KLF17: variants seen among roughly 807,000 people sequenced by gnomAD.
The protein encoded by KLF17 is Krueppel-like factor 17.
A neutral mutation model predicts 34.2 loss-of-function variants in KLF17; 31 were observed. The ratio of observed to expected loss-of-function variants is 0.91; its 90% CI spans 0.68 to 1.22. The LOEUF (loss-of-function observed/expected upper bound fraction) is 1.22, where lower values mean the gene tolerates loss of function less well. Among genes scored for constraint, KLF17 ranks in the 50% most tolerant of loss-of-function variants. The pLI is 0.00. For missense variants in KLF17, 478 were observed against 505.2 expected (o/e 0.95, Z 0.52); for synonymous variants, 179 against 186.7 (o/e 0.96, Z 0.34).
At position 44,130,663 on chromosome 1, in the gene KLF17, G is replaced by T. The variant is rs780277452; in HGVS notation, c.1077G>T (p.Lys359Asn). ...AGTTCATGAGGTCTGACCATCTCAAGCAACACCAGAAGACTCATCGGCCGG... is the reference window on the plus strand; with the variant it reads ...AGTTCATGAGGTCTGACCATCTCAATCAACACCAGAAGACTCATCGGCCGG... ...SREFMRSDHL[K>N]QHQKTHRPGP... The change falls in exon 3 of 4, where the codon AAG (lysine) becomes AAT (asparagine). Residue 359 changes from lysine to asparagine, a missense_variant. Coordinates refer to ENST00000372299, the MANE Select transcript of KLF17 (RefSeq NM_173484.4). The T allele has an allele frequency of 6.2e-7, 1 of 1,614,170 alleles. No homozygotes were observed. The highest frequency in any genetic ancestry group is 8.5e-7 in the Non-Finnish European group (1 of 1,180,030).
intron 1 of KLF17, among the ~76,000 whole-genome samples, chr1:44,127,668 TTC>T (rs796846137): frequency 0.025 from 1,271 of 51,746 alleles, 38 homozygotes; most frequent in East Asian, 0.098. Flanking sequence ...CTTTCTTTCT[TTC>T]TTTCTTTCTT....
At chr1:44,079,239 G>A in the KLF17 span, among the ~76,000 whole-genome samples, 3 of 151,676 alleles carry the variant, frequency 2.0e-5, no homozygotes, top group Non-Finnish European at 2.9e-5. Flanking sequence ...TGTATTATTC[G>A]GAGTTCTCTG....
At chr1:44,104,220 T>C in the KLF17 span, 2 of 1,122,486 alleles carry the variant, frequency 1.8e-6, no homozygotes, top group Non-Finnish European at 2.7e-6. Context: ...CTCTGTACGC[T>C]TATTGATCTC....
chr1:44,086,794 G>A, the KLF17 span, among the ~76,000 whole-genome samples: 1 of 152,192 alleles, frequency 6.6e-6, no homozygotes, highest in African/African-American at 2.4e-5. Flanking sequence ...TTCTCTCCTG[G>A]TGGCCTCCAT....
chr1:44,058,433 G>A, the KLF17 span, among the ~76,000 whole-genome samples: 494 of 152,194 alleles, frequency 3.2e-3, 4 homozygotes, highest in African/African-American at 0.011. Context: ...TGGGACTACA[G>A]GCAGGCATCA....
chr1:44,080,687 CTTT>C, the KLF17 span, among the ~76,000 whole-genome samples: 6 of 136,174 alleles, frequency 4.4e-5, no homozygotes, highest in Non-Finnish European at 9.6e-5. Context: ...ATATTTTCTT[CTTT>C]AATTCATGGT....
At chr1:44,048,002 ATGTGTGTGTGTGTGTGTG>A in the KLF17 span, 1 of 134,254 alleles carries the variant, frequency 7.4e-6, no homozygotes, top group Non-Finnish European at 1.6e-5. Context: ...TTGTGTGTGT[ATGTGTGTGTGTGTGTGTG>A]TGTGTGTGTG....
the KLF17 span, among the ~76,000 whole-genome samples, chr1:44,053,956 G>T: frequency 6.6e-6 from 1 of 152,198 alleles, no homozygotes; most frequent in Non-Finnish European, 1.5e-5. Context: ...CTCTCAATTG[G>T]ATTACTAGAC....
At chr1:44,072,442 G>A in the KLF17 span, among the ~76,000 whole-genome samples, 1 of 152,080 alleles carries the variant, frequency 6.6e-6, no homozygotes, top group Admixed American at 6.6e-5. Flanking sequence ...TATAATCCCA[G>A]AACTTTGGGA....
At chr1:44,099,007 C>T in the KLF17 span, among the ~76,000 whole-genome samples, 1 of 151,272 alleles carries the variant, frequency 6.6e-6, no homozygotes, top group African/African-American at 2.4e-5. Context: ...GGATTACAGG[C>T]ATGAGCCACT....
the KLF17 span, among the ~76,000 whole-genome samples, chr1:44,099,841 G>GAAAGA: frequency 1.1e-3 from 33 of 28,734 alleles, 2 homozygotes; most frequent in African/African-American, 7.1e-3. Context: ...AAGAAAGAAA[G>GAAAGA]AAAGAAAGAA....
At chr1:44,131,612 C>A (rs1407102786) in intron 3 of KLF17, among the ~76,000 whole-genome samples, 1 of 152,194 alleles carries the variant, frequency 6.6e-6, no homozygotes, top group African/African-American at 2.4e-5. Context: ...TTCTTCCCAC[C>A]ACTTTACAGA....
intron 1 of KLF17, among the ~76,000 whole-genome samples, chr1:44,127,610 C>CT (rs986132286): frequency 1.2e-3 from 111 of 89,440 alleles, no homozygotes; most frequent in Middle Eastern, 5.0e-3. Context: ...CCCTTTCTTT[C>CT]TTTCTTTTCT....
chr1:44,058,152 G>A, the KLF17 span, among the ~76,000 whole-genome samples: 2 of 152,166 alleles, frequency 1.3e-5, no homozygotes, highest in East Asian at 1.9e-4. Flanking sequence ...TAGGCATTAC[G>A]TATCATCTTC....
At chr1:44,104,363 G>A in the KLF17 span, 1 of 1,157,420 alleles carries the variant, frequency 8.6e-7, no homozygotes, top group Admixed American at 1.9e-5. Flanking sequence ...GGAACATGTT[G>A]TCCGTGTTGC....
In KLF17 at chr1:44,122,373, G is replaced by A. The variant is rs879117256; in HGVS notation, c.81+3385G>A. ...CAGCTGTACAGGTTCTCTGTTCTTC[G>A]GGGTCATTTTCACAGCTTTAAGATG... is the stretch of plus-strand genomic sequence containing the variant. On this transcript the variant is annotated intron_variant, in intron 1 of 3. Coordinates refer to ENST00000372299, the MANE Select transcript of KLF17 (RefSeq NM_173484.4). 13 of 1,606,048 alleles carry A rather than the reference G, an allele frequency of 8.1e-6. 1 individual carries two copies. The highest frequency in any genetic ancestry group is 3.3e-4 in the Middle Eastern group (2 of 6,062).
chr1:44,078,091 GTTTAC>G, the KLF17 span, among the ~76,000 whole-genome samples: 4 of 152,164 alleles, frequency 2.6e-5, no homozygotes, highest in East Asian at 5.8e-4. Flanking sequence ...TTGAACAGAA[GTTTAC>G]TTTAATTTGG....
chr1:44,048,183 A>G, the KLF17 span: 2 of 152,170 alleles, frequency 1.3e-5, no homozygotes, highest in Non-Finnish European at 2.9e-5. Flanking sequence ...GAGAAAACCA[A>G]AGCTTGGAGG....
chr1:44,062,319 AT>A, the KLF17 span, among the ~76,000 whole-genome samples: 5 of 152,306 alleles, frequency 3.3e-5, no homozygotes, highest in South Asian at 1.0e-3. Flanking sequence ...GGCATCTCTT[AT>A]TTTATATTAT....
Sources: gnomAD v4.1 joint callset for allele counts (sites outside exome capture counted in the v4.1 genomes callset) on GRCh38, gnomAD v4.1.1 for gene constraint, MANE v1.5 for transcripts, NCBI Gene and HGNC (gene_info 2026-07-23, HGNC 2026-07-21) for gene names.